The following CDH4 variants were observed in gnomAD, a reference collection of about 807,000 sequenced individuals.
CDH4 encodes cadherin 4.
In CDH4, 33 loss-of-function variants were observed where a neutral mutation model predicts 86.0. The ratio of observed to expected loss-of-function variants is 0.38; its 90% confidence interval spans 0.29 to 0.51. CDH4 has a LOEUF of 0.51. Among genes scored for constraint, CDH4 ranks in the 20% least tolerant of loss-of-function variants. CDH4 has a pLI of 0.86. For missense variants in CDH4, 1,114 were observed against 1,307.4 expected, an observed-to-expected ratio of 0.85 and a Z score of 2.28; for synonymous variants, 555 against 549.4, an observed-to-expected ratio of 1.01 and a Z score of -0.14.
chr20:61,380,796 G>C (rs1207564826), intron 2 of CDH4, among the ~76,000 whole-genome samples: 1 of 152,088 alleles, frequency 6.6e-6, no homozygotes, highest in Non-Finnish European at 1.5e-5. Context: ...TTGCAGCTTC[G>C]GCAAATGAAA....
Position 61,681,906 on chromosome 20 carries a change from C to T in CDH4, c.170-61657C>T, listed in dbSNP as rs1014742016. 2.0e-5 allele frequency among the ~76,000 whole-genome samples: 3 copies of T among 152,198 alleles called. No individual in the cohort carries two copies. The South Asian group carries it at 6.2e-4, about 31-fold the overall frequency. ...GCAGAAAATGACGTGATGCCAAGGC[C>T]AGGGCTGTGAACTTGCAGGAGCTGC... is the stretch of plus-strand genomic sequence containing the variant. On this transcript the variant is annotated intron_variant, in intron 2 of 15. Coordinates refer to ENST00000614565, the MANE Select transcript of CDH4 (RefSeq NM_001794.5). This position sits in a 1 kb window ranked among gnomAD's most constrained non-coding sequence, Gnocchi z 4.5.
At chr20:61,796,371 G>T (rs1439261468) in intron 4 of CDH4, among the ~76,000 whole-genome samples, 8 of 152,056 alleles carry the variant, frequency 5.3e-5, no homozygotes, top group Non-Finnish European at 1.0e-4. Context: ...CCCAGCACGG[G>T]CCAGGGCTGC....
At chr20:61,519,293 T>A (rs978873783) in intron 2 of CDH4, among the ~76,000 whole-genome samples, 3 of 152,222 alleles carry the variant, frequency 2.0e-5, no homozygotes, top group Non-Finnish European at 4.4e-5. Flanking sequence ...CTCAGAAAAT[T>A]TGATGTCTCC....
At chr20:61,590,771 G>A (rs1300339571) in intron 2 of CDH4, among the ~76,000 whole-genome samples, 1 of 152,018 alleles carries the variant, frequency 6.6e-6, no homozygotes, top group Admixed American at 6.6e-5. Context: ...GTTGAGTCCA[G>A]TCGTCTGGAT....
intron 2 of CDH4, among the ~76,000 whole-genome samples, chr20:61,368,149 G>A (rs527680909): frequency 1.2e-4 from 18 of 152,114 alleles, no homozygotes; most frequent in Admixed American, 1.0e-3. Context: ...GATTACAGGC[G>A]TGAGCCGCTG....
chr20:61,433,500 T>A (rs1021359254), intron 2 of CDH4, among the ~76,000 whole-genome samples: 4 of 117,612 alleles, frequency 3.4e-5, no homozygotes, highest in Non-Finnish European at 7.2e-5. Flanking sequence ...AGAATCCACT[T>A]GTCATGTAAA....
At chr20:61,603,304 C>T (rs796165027) in intron 2 of CDH4, among the ~76,000 whole-genome samples, 1 of 152,094 alleles carries the variant, frequency 6.6e-6, no homozygotes, top group African/African-American at 2.4e-5. Context: ...GAAAACAAAG[C>T]CAGGTGATGG....
In CDH4 at chr20:61,302,687, C is replaced by T. The variant is rs190822227; in HGVS notation, c.169+47750C>T. The stretch of plus-strand genomic sequence containing the variant: ...GGGTCTGTGTGAGACACACCTGTTT[C>T]GGTTCCCTGAGCATGGGAGGTAGAA... On this transcript the variant is annotated intron_variant, in intron 2 of 15. Transcript: ENST00000614565. 3.0e-4 allele frequency among the ~76,000 whole-genome samples: 45 copies of T among 152,280 alleles called. 2 individuals are homozygous for T. The South Asian group carries it at 7.9e-3, about 27-fold the overall frequency.
intron 2 of CDH4, among the ~76,000 whole-genome samples, chr20:61,364,154 G>T (rs1463433629): frequency 7.2e-5 from 11 of 152,312 alleles, no homozygotes; most frequent in Admixed American, 2.0e-4. Context: ...GATTCCAGCT[G>T]TGCTCTCTCT....
intron 2 of CDH4, among the ~76,000 whole-genome samples, chr20:61,710,418 G>A (rs557990678): frequency 6.6e-6 from 1 of 152,344 alleles, no homozygotes; most frequent in African/African-American, 2.4e-5. Flanking sequence ...AAGCCTCCCA[G>A]CCTCTATCTG....
rs549149435 is a variant in CDH4 at position 61,325,037 on chromosome 20, G to T, written c.169+70100G>T. 7.9e-5 allele frequency among the ~76,000 whole-genome samples: 12 copies of T among 152,236 alleles called. No individual in the cohort carries two copies. In the South Asian group the frequency reaches 2.5e-3, roughly 32 times the overall value. On this transcript the variant is annotated intron_variant, in intron 2 of 15. Transcript: ENST00000614565. The stretch of plus-strand genomic sequence containing the variant: ...AGCTGGGGGATGCTGGGCGAGTCCC[G>T]TAACCTGCCAGTGCCTCATGTCCAG...
intron 2 of CDH4, among the ~76,000 whole-genome samples, chr20:61,294,917 C>G (rs528210598): frequency 6.6e-6 from 1 of 152,214 alleles, no homozygotes; most frequent in Non-Finnish European, 1.5e-5. Flanking sequence ...ATCCCAAACC[C>G]CACCCGAGCT....
chr20:61,595,701 T>C (rs76625725), intron 2 of CDH4, among the ~76,000 whole-genome samples: 8,252 of 152,278 alleles, frequency 0.054, 396 homozygotes, highest in African/African-American at 0.12. Flanking sequence ...CTCGTTTCGA[T>C]ACTAGAGGCG....
rs1242131252 is a variant in CDH4, at chr20:61,334,503, C to T, written c.169+79566C>T. ...AATCAATGCTTACAGCTCTGGAGGC[C>T]GGGGGGGCTGGGATCAAGGCACCAG... On this transcript the variant is annotated intron_variant, in intron 2 of 15. Transcript: ENST00000614565. Among the ~76,000 whole-genome samples, 3 of 152,110 alleles carry T rather than the reference C, an allele frequency of 2.0e-5. 1 individual carries two copies. The highest frequency in any genetic ancestry group is 1.5e-5 in the Non-Finnish European group (1 of 68,034).
chr20:61,807,949 G>A lies in CDH4; in HGVS notation c.576+34767G>A, dbSNP rs916889632. Among the ~76,000 whole-genome samples, 18 of 152,228 alleles carry A rather than the reference G, an allele frequency of 1.2e-4. 1 individual carries two copies. Among genetic ancestry groups the A allele is most frequent in the East Asian group, 1.9e-4 (1 of 5,182 alleles). On this transcript the variant is annotated intron_variant, in intron 4 of 15. Coordinates refer to ENST00000614565, the MANE Select transcript of CDH4 (RefSeq NM_001794.5). This position sits in a 1 kb window ranked among gnomAD's most constrained non-coding sequence, Gnocchi z 4.5. ...CACAGTGCTGGGTGGTCTGGGTGCCGCCTCAGGGCAAGCTGCCATAGCAGC... is the reference window on the plus strand; with the variant it reads ...CACAGTGCTGGGTGGTCTGGGTGCCACCTCAGGGCAAGCTGCCATAGCAGC...
chr20:61,543,715 A>T (rs1317737376), intron 2 of CDH4, among the ~76,000 whole-genome samples: 2 of 152,204 alleles, frequency 1.3e-5, no homozygotes, highest in African/African-American at 4.8e-5. Context: ...AGACTCGTGA[A>T]TGGCAGCTGT....
chr20:61,865,320 A>C (rs117577074), intron 6 of CDH4, among the ~76,000 whole-genome samples: 122 of 152,230 alleles, frequency 8.0e-4, no homozygotes, highest in East Asian at 5.0e-3. Flanking sequence ...TGCAGGTGAT[A>C]ACTGACTTCC....
At chr20:61,369,282 C>G (rs1163587105) in intron 2 of CDH4, among the ~76,000 whole-genome samples, 2 of 151,680 alleles carry the variant, frequency 1.3e-5, no homozygotes, top group African/African-American at 4.8e-5. Context: ...GAAACCCCCT[C>G]TCTACTAAAA....
chr20:61,654,073 C>T (rs1321025863), intron 2 of CDH4, among the ~76,000 whole-genome samples: 4 of 151,952 alleles, frequency 2.6e-5, no homozygotes, highest in South Asian at 2.1e-4. Flanking sequence ...CCAAGGCAGG[C>T]GGCTGGGAGG....
Sources: gnomAD v4.1 joint callset for allele counts (sites outside exome capture counted in the v4.1 genomes callset) on GRCh38, gnomAD v4.1.1 for gene constraint, Gnocchi (gnomAD v3.1) non-coding constraint, MANE v1.5 for transcripts, NCBI Gene and HGNC (gene_info 2026-07-23, HGNC 2026-07-21) for gene names.